The following WFS1 variants were observed in gnomAD, a reference collection of about 807,000 sequenced individuals.
WFS1 encodes wolframin.
Under a neutral mutation model 68.5 loss-of-function variants are expected in WFS1, and 90 were observed. That is an observed-to-expected ratio of 1.31 (90% CI 1.11 to 1.56). WFS1 has a LOEUF of 1.56. Among genes scored for constraint, WFS1 ranks in the 40% most tolerant of loss-of-function variants. The pLI is 0.00. For missense variants in WFS1, 1,767 were observed against 1,232.6 expected (o/e 1.43, Z -6.49); for synonymous variants, 860 against 540.7 (o/e 1.59, Z -8.19).
At chr4:6,273,592 T>C (rs112319119) in intron 1 of WFS1, among the ~76,000 whole-genome samples, 1,675 of 152,300 alleles carry the variant, frequency 0.011, 34 homozygotes, top group African/African-American at 0.038. Flanking sequence ...CATTAAGTGC[T>C]TAACGTATTC....
Position 6,302,699 on chromosome 4 carries a change from A to T in WFS1, c.*231A>T, listed in dbSNP as rs1560422901. 1 of 645,404 alleles carries T rather than the reference A, an allele frequency of 1.5e-6. No homozygotes were observed. Among genetic ancestry groups the T allele is most frequent in the Non-Finnish European group, 2.6e-6 (1 of 380,410 alleles). 40.0% of individuals were successfully genotyped at this position (645,404 alleles called of 1,614,324 possible). ...GTGTTGGGAATTGCATGCCATCTCCACCCTGAGCCTGACCTTTCTGAGTGA... is the reference window on the plus strand; with the variant it reads ...GTGTTGGGAATTGCATGCCATCTCCTCCCTGAGCCTGACCTTTCTGAGTGA... On this transcript the variant is annotated 3_prime_UTR_variant, in exon 8 of 8. Transcript: ENST00000226760.
At chr4:6,300,630 C>T (rs766412493) in intron 7 of WFS1, 27 bp from the exon 8 acceptor site, 31 of 1,613,480 alleles carry the variant, frequency 1.9e-5, no homozygotes, top group African/African-American at 1.2e-4. Context: ...GTCCCAGCCT[C>T]GTTCCCACGT....
intron 1 of WFS1, among the ~76,000 whole-genome samples, chr4:6,274,360 T>C (rs1165364978): frequency 6.6e-6 from 1 of 152,110 alleles, no homozygotes; most frequent in Admixed American, 6.5e-5. Context: ...TTAGTTTTTT[T>C]TTAATGCCCA....
chr4:6,270,276 TGGA>T (rs1729763322), intron 1 of WFS1, among the ~76,000 whole-genome samples: 1 of 151,190 alleles, frequency 6.6e-6, no homozygotes, highest in Non-Finnish European at 1.5e-5. Flanking sequence ...CGCTGTCGCC[TGGA>T]GCCCCGCCGC....
In WFS1 at chr4:6,302,487, A is replaced by C. The variant is rs767589456; in HGVS notation, c.*19A>C. 6 of 1,611,786 alleles carry C rather than the reference A, an allele frequency of 3.7e-6. No homozygotes were observed. In the South Asian group the frequency reaches 4.4e-5, roughly 12 times the overall value. On this transcript the variant is annotated 3_prime_UTR_variant, in exon 8 of 8. Coordinates refer to ENST00000226760, the MANE Select transcript of WFS1 (RefSeq NM_006005.3). Reference sequence around the variant, plus strand: ...GGCCTGAGGATGGTCCGCCACGAGGAGCTTCCAGTGCATGTTGCCATGAGG... The same window carrying C: ...GGCCTGAGGATGGTCCGCCACGAGGCGCTTCCAGTGCATGTTGCCATGAGG...
At chr4:6,296,634 G>A (rs548760189) in intron 7 of WFS1, among the ~76,000 whole-genome samples, 1 of 152,350 alleles carries the variant, frequency 6.6e-6, no homozygotes, top group South Asian at 2.1e-4. Context: ...ATGAGAGTGA[G>A]GGTCACAGGT....
intron 6 of WFS1, 122 bp downstream of exon 6, chr4:6,292,119 C>G: frequency 9.7e-7 from 1 of 1,026,484 alleles, no homozygotes; most frequent in Non-Finnish European, 1.5e-6. Flanking sequence ...CCAGCCTGCG[C>G]CTGCAGGGCG....
intron 6 of WFS1, among the ~76,000 whole-genome samples, chr4:6,292,925 C>G (rs951844931): frequency 6.6e-6 from 1 of 152,242 alleles, no homozygotes; most frequent in Non-Finnish European, 1.5e-5. Context: ...AGGAAACCGT[C>G]CATAGGGTGT....
At chr4:6,284,334 T>C (rs1730249624) in intron 2 of WFS1, among the ~76,000 whole-genome samples, 1 of 152,112 alleles carries the variant, frequency 6.6e-6, no homozygotes, top group African/African-American at 2.4e-5. Context: ...GATTTTGTCA[T>C]TGCATTCCAG....
In WFS1 at chr4:6,301,037, C is replaced by A. The variant is rs376646736; in HGVS notation, c.1242C>A (p.Phe414Leu). 4.3e-6 allele frequency: 7 copies of A among 1,613,872 alleles called. No individual in the cohort carries two copies. The highest frequency in any genetic ancestry group is 5.9e-6 in the Non-Finnish European group (7 of 1,179,894). Residue 414 changes from phenylalanine to leucine, a missense_variant, in exon 8 of 8, where the codon TTC becomes TTA. Coordinates refer to ENST00000226760, the MANE Select transcript of WFS1 (RefSeq NM_006005.3). ...PYAHFLLSVFFVIFSFPIASK... is the reference protein window; with the variant it reads ...PYAHFLLSVFLVIFSFPIASK... ...CCCATTTCCTGCTCTCTGTCTTCTT[C>A]GTCATCTTCTCCTTCCCCATCGCCA...
At chr4:6,291,692 A>G (rs1187319851) in intron 5 of WFS1, among the ~76,000 whole-genome samples, 2 of 152,206 alleles carry the variant, frequency 1.3e-5, no homozygotes, top group African/African-American at 2.4e-5. Context: ...GACTGTGTCC[A>G]TCACCAAGTG....
At chr4:6,286,965 C>G (rs1216220029) in intron 2 of WFS1, 128 bp from the exon 3 acceptor site, 1 of 850,126 alleles carries the variant, frequency 1.2e-6, no homozygotes, top group Non-Finnish European at 2.0e-6. Context: ...TCTCTCTGTA[C>G]TCCTGGCCTG....
intron 2 of WFS1, among the ~76,000 whole-genome samples, chr4:6,284,531 A>T (rs1304179090): frequency 2.6e-5 from 4 of 151,948 alleles, no homozygotes; most frequent in African/African-American, 7.3e-5. Context: ...TGATTTTTTT[A>T]AAAAAGGGAA....
In WFS1 at chr4:6,287,221, C is replaced by T. The variant is rs1428385824; in HGVS notation, c.315+46C>T. The stretch of plus-strand genomic sequence containing the variant: ...AGGGACTTCGGGACGCGGCCCCCGG[C>T]ACAACAGGCCTGGCCACGAGCTCCA... On this transcript the variant is annotated intron_variant, in intron 3 of 7. Transcript: ENST00000226760. The surrounding 1 kb of genome is among the most constrained non-coding windows in gnomAD (Gnocchi z 6.4). 4.0e-6 allele frequency: 6 copies of T among 1,499,776 alleles called. No homozygotes were observed. The highest frequency in any genetic ancestry group is 4.5e-6 in the Non-Finnish European group (5 of 1,101,790). 92.9% of individuals were successfully genotyped at this position (1,499,776 alleles called of 1,614,324 possible).
chr4:6,300,899 C>G lies in WFS1; in HGVS notation c.1104C>G (p.Ser368Arg), dbSNP rs760279115. 5 of 1,614,176 alleles carry G rather than the reference C, an allele frequency of 3.1e-6. No homozygotes were observed. The highest frequency in any genetic ancestry group is 4.2e-6 in the Non-Finnish European group (5 of 1,180,030). The change falls in exon 8 of 8, where the codon AGC (serine) becomes AGG (arginine). Residue 368 changes from serine (S) to arginine (R), a missense_variant. Ser to Arg is a moderately radical substitution (Grantham distance 110). Transcript: ENST00000226760. Reference sequence around the variant, plus strand: ...GCACCCTCAAGGTGTTCCAGGACAGCAAGGCCTGGGAGAACTTCCGCACCC... The same window carrying G: ...GCACCCTCAAGGTGTTCCAGGACAGGAAGGCCTGGGAGAACTTCCGCACCC... ...VICTLKVFQD[S>R]KAWENFRTLT...
intron 2 of WFS1, among the ~76,000 whole-genome samples, chr4:6,286,782 G>C (rs935123246): frequency 1.3e-5 from 2 of 152,210 alleles, no homozygotes; most frequent in African/African-American, 4.8e-5. Context: ...CAAGGGGTGT[G>C]ATGGTGGGAC....
rs553132007 is a variant in WFS1, at chr4:6,290,471, G to GT, written c.461-726_461-725insT. On this transcript the variant is annotated intron_variant, in intron 4 of 7. Transcript: ENST00000226760. ...CTGGGGCAGAGCGTGCAAGGGAGGA[G>GT]GCCGGTTGGCCCCGTGTTCCCCCAG... Among the ~76,000 whole-genome samples the GT allele has an allele frequency of 7.3e-3, 1,106 of 152,376 alleles. 5 individuals carry two copies. Among genetic ancestry groups the GT allele is most frequent in the Non-Finnish European group, 0.011 (768 of 68,040 alleles).
intron 2 of WFS1, among the ~76,000 whole-genome samples, chr4:6,280,213 G>A (rs961048113): frequency 2.0e-5 from 3 of 152,224 alleles, no homozygotes; most frequent in African/African-American, 7.2e-5. Flanking sequence ...GGATGCCCAC[G>A]TGCTGAGAGG....
chr4:6,275,128 A>G (rs1729956445), intron 1 of WFS1, among the ~76,000 whole-genome samples: 1 of 152,228 alleles, frequency 6.6e-6, no homozygotes, highest in Admixed American at 6.5e-5. Context: ...ATGAGAAAAG[A>G]CAAGTACAGA....
Sources: gnomAD v4.1 joint callset for allele counts (sites outside exome capture counted in the v4.1 genomes callset) on GRCh38, gnomAD v4.1.1 for gene constraint, Gnocchi (gnomAD v3.1) non-coding constraint, MANE v1.5 for transcripts, NCBI Gene and HGNC (gene_info 2026-07-23, HGNC 2026-07-21) for gene names.